Variants in TSC22D1 observed in about 807,000 individuals in gnomAD.
TSC22D1 encodes TSC22 domain family protein 1.
TSC22D1 carries 9 observed loss-of-function variants against 74.2 expected under a neutral mutation model. That is an observed-to-expected ratio of 0.12 (90% CI 0.07 to 0.21). The LOEUF is 0.21. Ranked by LOEUF, TSC22D1 falls within the 10% of genes least tolerant of loss-of-function variation. The pLI, the probability that TSC22D1 is intolerant of heterozygous loss-of-function variation, is 1.00. For missense variants in TSC22D1, 1,427 were observed against 1,304.7 expected, an observed-to-expected ratio of 1.09 and a Z score of -1.44; for synonymous variants, 586 against 492.5, an observed-to-expected ratio of 1.19 and a Z score of -2.51.
intron 1 of TSC22D1, among the ~76,000 whole-genome samples, chr13:44,550,761 T>C (rs559018217): frequency 1.3e-5 from 2 of 148,878 alleles, no homozygotes; most frequent in African/African-American, 2.5e-5. Context: ...CTGGGCAACA[T>C]AGTGAGACTC....
intron 1 of TSC22D1, among the ~76,000 whole-genome samples, chr13:44,451,764 T>C (rs905052607): frequency 1.3e-5 from 2 of 152,192 alleles, no homozygotes; most frequent in Admixed American, 1.3e-4. Flanking sequence ...GATGAGGCCA[T>C]ATCATGTCAG....
chr13:44,495,543 A>T (rs1878934004), intron 1 of TSC22D1, among the ~76,000 whole-genome samples: 1 of 152,204 alleles, frequency 6.6e-6, no homozygotes, highest in African/African-American at 2.4e-5. Flanking sequence ...CTTAATTTGC[A>T]ACTCTTCTTT....
chr13:44,522,201 G>T (rs911630683), intron 1 of TSC22D1, among the ~76,000 whole-genome samples: 2 of 152,174 alleles, frequency 1.3e-5, no homozygotes, highest in Non-Finnish European at 2.9e-5. Context: ...CCCTAAGGTA[G>T]TAGACAGTAA....
At chr13:44,452,544 A>G (rs1876227442) in intron 1 of TSC22D1, 1 of 152,322 alleles carries the variant, frequency 6.6e-6, no homozygotes, top group Admixed American at 6.5e-5. Flanking sequence ...CACTGTCCTC[A>G]TGGCCTGGCT....
chr13:44,554,138 C>G (rs924895615), intron 1 of TSC22D1, among the ~76,000 whole-genome samples: 1 of 152,226 alleles, frequency 6.6e-6, no homozygotes, highest in African/African-American at 2.4e-5. Flanking sequence ...AAGAACTGAG[C>G]CAGGTGCATT....
chr13:44,473,251 T>C (rs915145761), intron 1 of TSC22D1, among the ~76,000 whole-genome samples: 1 of 152,190 alleles, frequency 6.6e-6, no homozygotes, highest in Non-Finnish European at 1.5e-5. Context: ...TCCCAGCACG[T>C]TGGGAGGCCA....
chr13:44,530,487 T>C (rs1437985438), intron 1 of TSC22D1, among the ~76,000 whole-genome samples: 2 of 152,080 alleles, frequency 1.3e-5, no homozygotes, highest in Non-Finnish European at 2.9e-5. Context: ...TAGGTGGCCT[T>C]AAATTTTTAG....
intron 1 of TSC22D1, among the ~76,000 whole-genome samples, chr13:44,559,790 A>C (rs1882915129): frequency 6.6e-6 from 1 of 151,540 alleles, no homozygotes; most frequent in Non-Finnish European, 1.5e-5. Context: ...TTCCAGGTCC[A>C]AACGATTCTC....
chr13:44,540,337 A>C (rs1218352203), intron 1 of TSC22D1, among the ~76,000 whole-genome samples: 1 of 152,224 alleles, frequency 6.6e-6, no homozygotes, highest in Non-Finnish European at 1.5e-5. Flanking sequence ...AAGTAGAAAC[A>C]GAAAAAACCA....
intron 1 of TSC22D1, among the ~76,000 whole-genome samples, chr13:44,490,701 C>T (rs1878658777): frequency 6.6e-6 from 1 of 151,862 alleles, no homozygotes; most frequent in Non-Finnish European, 1.5e-5. Context: ...AGTTCGAGAC[C>T]AGCCTGACCA....
At chr13:44,555,427 T>C (rs757102784) in intron 1 of TSC22D1, among the ~76,000 whole-genome samples, 7 of 151,968 alleles carry the variant, frequency 4.6e-5, no homozygotes, top group African/African-American at 1.5e-4. Context: ...TGGCCAACAG[T>C]GAACTCTGTC....
intron 1 of TSC22D1, among the ~76,000 whole-genome samples, chr13:44,520,673 G>A (rs1431310071): frequency 6.6e-6 from 1 of 152,124 alleles, no homozygotes; most frequent in East Asian, 1.9e-4. Flanking sequence ...ATAAGATATA[G>A]AGCATAGGTG....
At chr13:44,520,548 A>G (rs944564011) in intron 1 of TSC22D1, among the ~76,000 whole-genome samples, 4 of 152,124 alleles carry the variant, frequency 2.6e-5, no homozygotes, top group Non-Finnish European at 5.9e-5. Flanking sequence ...TGAAAGTTTT[A>G]GACAAACTTT....
At chr13:44,474,972 A>C (rs1877825848) in intron 1 of TSC22D1, among the ~76,000 whole-genome samples, 1 of 152,134 alleles carries the variant, frequency 6.6e-6, no homozygotes, top group Admixed American at 6.5e-5. Flanking sequence ...ATACTATCTT[A>C]TTGGAGCAGA....
At chr13:44,533,436 GGTAAGA>G (rs1311682605) in intron 1 of TSC22D1, among the ~76,000 whole-genome samples, 1 of 149,766 alleles carries the variant, frequency 6.7e-6, no homozygotes, top group Non-Finnish European at 1.5e-5. Context: ...CTCCAGCTTA[GGTAAGA>G]GTAAGACTCT....
intron 1 of TSC22D1, among the ~76,000 whole-genome samples, chr13:44,535,453 G>T (rs1405149641): frequency 1.3e-5 from 2 of 151,868 alleles, no homozygotes; most frequent in African/African-American, 4.8e-5. Context: ...AAAATACCTG[G>T]ATAAAAATAA....
chr13:44,547,950 CATT>C (rs1371974756), intron 1 of TSC22D1, among the ~76,000 whole-genome samples: 1 of 152,092 alleles, frequency 6.6e-6, no homozygotes, highest in East Asian at 1.9e-4. Flanking sequence ...CCACTGTGTG[CATT>C]ATTATTATGC....
At position 44,536,817 on chromosome 13, in the gene TSC22D1, G is replaced by A. The variant is rs551473751; in HGVS notation, c.2912+36346C>T. ...ATTCTGGAAACTAATCAGGAAAGATGATGCTAATCAGGAAAATGCAAAAAC... is the reference window on the plus strand; with the variant it reads ...ATTCTGGAAACTAATCAGGAAAGATAATGCTAATCAGGAAAATGCAAAAAC... On this transcript the variant is annotated intron_variant, in intron 1 of 2. Coordinates refer to ENST00000458659, the MANE Select transcript of TSC22D1 (RefSeq NM_183422.4). 5.1e-3 allele frequency: 5,037 copies of A among 982,358 alleles called. 14 individuals carry two copies. The highest frequency in any genetic ancestry group is 5.8e-3 in the Non-Finnish European group (4,830 of 829,112). 60.9% of individuals were successfully genotyped at this position (982,358 alleles called of 1,614,324 possible). A position where few individuals can be genotyped will look rare whatever the true frequency, so the allele number is the denominator to read the frequency against.
chr13:44,478,179 G>C (rs1402965413), intron 1 of TSC22D1, among the ~76,000 whole-genome samples: 1 of 152,022 alleles, frequency 6.6e-6, no homozygotes, highest in East Asian at 1.9e-4. Context: ...CATTCTCTTA[G>C]AGATGCCAGA....
Sources: allele counts gnomAD v4.1 joint callset (sites outside exome capture counted in the v4.1 genomes callset), GRCh38; gene constraint gnomAD v4.1.1; transcripts MANE v1.5; gene names NCBI Gene and HGNC (gene_info 2026-07-23, HGNC 2026-07-21).